The following IRS1 variants were observed in gnomAD, a reference collection of about 807,000 sequenced individuals.
IRS1 encodes the protein insulin receptor substrate 1.
IRS1 carries 34 observed loss-of-function variants against 65.6 expected under a neutral mutation model. The observed-to-expected ratio is 0.52, with a 90% CI of 0.39 to 0.69. The LOEUF (loss-of-function observed/expected upper bound fraction) is 0.69. IRS1 is among the 30% of genes least tolerant of loss of function. IRS1 has a pLI of 0.00. For missense variants in IRS1, 1,641 were observed against 1,720.2 expected (o/e 0.95, Z 0.81); for synonymous variants, 699 against 683.5 (o/e 1.02, Z -0.35).
chr2:226,755,764 A>C (rs1938784527), intron 1 of IRS1, among the ~76,000 whole-genome samples: 1 of 152,142 alleles, frequency 6.6e-6, no homozygotes, highest in African/African-American at 2.4e-5. Flanking sequence ...TCAGCTCATT[A>C]CTGACACTCA....
intron 1 of IRS1, among the ~76,000 whole-genome samples, chr2:226,783,386 T>C (rs1939424521): frequency 6.6e-6 from 1 of 152,242 alleles, no homozygotes; most frequent in Non-Finnish European, 1.5e-5. Flanking sequence ...TTCATAACAC[T>C]CTGCCCTTCC....
chr2:226,746,164 G>A (rs1938539506), intron 1 of IRS1, among the ~76,000 whole-genome samples: 1 of 151,842 alleles, frequency 6.6e-6, no homozygotes, highest in African/African-American at 2.4e-5. Context: ...CTCTTTCTAA[G>A]TCTGCTAATG....
chr2:226,789,379 CAACT>C (rs1939547139), intron 1 of IRS1, among the ~76,000 whole-genome samples: 2 of 152,272 alleles, frequency 1.3e-5, no homozygotes, highest in African/African-American at 2.4e-5. Context: ...AGTGTTGGCT[CAACT>C]AACTAATCAA....
At chr2:226,755,985 A>G (rs904872052) in intron 1 of IRS1, among the ~76,000 whole-genome samples, 2 of 152,234 alleles carry the variant, frequency 1.3e-5, no homozygotes, top group Non-Finnish European at 2.9e-5. Context: ...GTTGGCAGAA[A>G]GCTTTCAAAA....
At chr2:226,742,892 A>G (rs1184774767) in intron 1 of IRS1, among the ~76,000 whole-genome samples, 1 of 152,142 alleles carries the variant, frequency 6.6e-6, no homozygotes, top group Non-Finnish European at 1.5e-5. Context: ...GACCAAAACA[A>G]CATTTAGTTC....
chr2:226,743,321 C>T (rs1177967797), intron 1 of IRS1, among the ~76,000 whole-genome samples: 1 of 152,076 alleles, frequency 6.6e-6, no homozygotes, highest in Non-Finnish European at 1.5e-5. Context: ...CCTGCCCCTC[C>T]TGGGTTCAAG....
chr2:226,747,456 G>A (rs952265814), intron 1 of IRS1, among the ~76,000 whole-genome samples: 1 of 152,028 alleles, frequency 6.6e-6, no homozygotes, highest in African/African-American at 2.4e-5. Context: ...TAAGAAGACG[G>A]CCATCGTAAA....
intron 1 of IRS1, among the ~76,000 whole-genome samples, chr2:226,786,638 T>TAA (rs773586859): frequency 0.03 from 3,503 of 116,230 alleles, 89 homozygotes; most frequent in African/African-American, 0.074. Flanking sequence ...CTCTCTACCT[T>TAA]AAAAAAAAAA....
At chr2:226,755,546 T>A (rs537950644) in intron 1 of IRS1, among the ~76,000 whole-genome samples, 49 of 152,260 alleles carry the variant, frequency 3.2e-4, no homozygotes, top group Admixed American at 3.2e-3. Flanking sequence ...TTCCTTATTA[T>A]AGAGCATAGA....
At chr2:226,772,586 C>A (rs1939185196) in intron 1 of IRS1, among the ~76,000 whole-genome samples, 1 of 150,210 alleles carries the variant, frequency 6.7e-6, no homozygotes, top group Non-Finnish European at 1.5e-5. Context: ...CTTAGCCAAG[C>A]AAATACTATG....
intron 1 of IRS1, among the ~76,000 whole-genome samples, chr2:226,782,252 C>CTTGTT (rs1939398055): frequency 6.6e-6 from 1 of 152,064 alleles, no homozygotes; most frequent in South Asian, 2.1e-4. Flanking sequence ...TATACAGTGT[C>CTTGTT]TTGTTTTGTT....
intron 1 of IRS1, among the ~76,000 whole-genome samples, chr2:226,780,300 G>A (rs762961903): frequency 2.0e-5 from 3 of 152,164 alleles, no homozygotes; most frequent in Non-Finnish European, 4.4e-5. Flanking sequence ...GCTGAGGCAG[G>A]AGAATCGCTT....
chr2:226,777,924 A>G (rs1939305341), intron 1 of IRS1, among the ~76,000 whole-genome samples: 1 of 152,224 alleles, frequency 6.6e-6, no homozygotes, highest in African/African-American at 2.4e-5. Context: ...TTCAGCAAAT[A>G]AATATATGTT....
intron 1 of IRS1, among the ~76,000 whole-genome samples, chr2:226,770,061 A>T (rs1213787941): frequency 6.6e-6 from 1 of 152,212 alleles, no homozygotes; most frequent in Non-Finnish European, 1.5e-5. Flanking sequence ...TGCATTTTGA[A>T]AACTTTATGA....
chr2:226,760,705 C>G (rs527379092), intron 1 of IRS1, among the ~76,000 whole-genome samples: 63 of 152,286 alleles, frequency 4.1e-4, no homozygotes, highest in Non-Finnish European at 8.7e-4. Context: ...CATGCATACA[C>G]AAGGCTAAAT....
At chr2:226,787,886 C>G (rs1298817904) in intron 1 of IRS1, among the ~76,000 whole-genome samples, 1 of 152,086 alleles carries the variant, frequency 6.6e-6, no homozygotes, top group African/African-American at 2.4e-5. Context: ...ATTCCAGTGG[C>G]CTTTAACTAA....
At chr2:226,759,195 A>C (rs1334767302) in intron 1 of IRS1, among the ~76,000 whole-genome samples, 4 of 152,246 alleles carry the variant, frequency 2.6e-5, no homozygotes, top group African/African-American at 9.6e-5. Flanking sequence ...TTTGAAAGAC[A>C]ATTCCAAATG....
rs1348202981 is a variant in IRS1 at position 226,798,892 on chromosome 2, G to C, written c.-154C>G. On this transcript the variant is annotated 5_prime_UTR_variant, in exon 1 of 2. Transcript: ENST00000305123. This position sits in a 1 kb window ranked among gnomAD's most constrained non-coding sequence, Gnocchi z 9.4. ...AAATCCACGCCGCCCCCCGCGCCGG[G>C]GAGGGGCAGCTGAAGGAGGACGCAG... 6.6e-7 allele frequency: 1 copy of C among 1,512,902 alleles called. No homozygotes were observed. The highest frequency in any genetic ancestry group is 1.4e-5 in the African/African-American group (1 of 72,216). The allele number at this position is 1,512,902 out of a possible 1,614,324, so 93.7% of individuals were successfully genotyped here.
At chr2:226,790,662 T>C (rs953879673) in intron 1 of IRS1, among the ~76,000 whole-genome samples, 9 of 152,194 alleles carry the variant, frequency 5.9e-5, no homozygotes, top group African/African-American at 1.4e-4. Context: ...TGGGATCTTA[T>C]GATTCAGTGA....
Sources: gnomAD v4.1 joint callset for allele counts (sites outside exome capture counted in the v4.1 genomes callset) on GRCh38, gnomAD v4.1.1 for gene constraint, Gnocchi (gnomAD v3.1) non-coding constraint, MANE v1.5 for transcripts, NCBI Gene and HGNC (gene_info 2026-07-23, HGNC 2026-07-21) for gene names.